MYO9A: variants seen among roughly 807,000 people sequenced by gnomAD.
The protein encoded by MYO9A is unconventional myosin-IXa.
Under a neutral mutation model 293.3 loss-of-function variants are expected in MYO9A, and 103 were observed. The observed-to-expected ratio is 0.35, with a 90% CI of 0.30 to 0.41. MYO9A has a LOEUF of 0.41. Ranked by LOEUF, MYO9A falls within the 10% of genes least tolerant of loss-of-function variation. MYO9A has a pLI of 1.00. For synonymous variants in MYO9A, 1,001 were observed against 1,035.7 expected (o/e 0.97, Z 0.64); for missense variants, 2,685 against 3,033.0 (o/e 0.89, Z 2.69).
chr15:72,093,979 C>G (rs1430050944), intron 1 of MYO9A, among the ~76,000 whole-genome samples: 2 of 89,956 alleles, frequency 2.2e-5, no homozygotes, highest in East Asian at 4.6e-4. Context: ...AAGAAATCAC[C>G]CACAGTAAAA....
At chr15:72,032,306 G>A (rs996966478) in intron 3 of MYO9A, among the ~76,000 whole-genome samples, 188 bp downstream of exon 3, 2 of 152,190 alleles carry the variant, frequency 1.3e-5, no homozygotes, top group African/African-American at 4.8e-5. Context: ...AAGAGTATGT[G>A]TGACTGTTAC....
At chr15:72,076,865 C>G (rs977557452) in intron 1 of MYO9A, among the ~76,000 whole-genome samples, 1 of 152,010 alleles carries the variant, frequency 6.6e-6, no homozygotes, top group Non-Finnish European at 1.5e-5. Flanking sequence ...TCAAGACTGG[C>G]AAAACAATAC....
At position 71,898,804 on chromosome 15, in the gene MYO9A, C is replaced by T; in HGVS notation, c.3699G>A (p.Lys1233=). ...SVDCLKESPN[K]QQERAQSQSG... is the part of the protein sequence containing the mutation. ...TCTGGCTTTGGGCTCTCTCCTGCTG[C>T]TTGTTTGGTGACTCCTTCAAGCAGT... The change falls in exon 25 of 42, where the codon AAG becomes AAA. Residue 1233 remains lysine, a synonymous_variant. Coordinates refer to ENST00000356056, the MANE Select transcript of MYO9A (RefSeq NM_006901.4). 1 of 1,614,176 alleles carries T rather than the reference C, an allele frequency of 6.2e-7. No homozygotes were observed. The highest frequency in any genetic ancestry group is 2.2e-5 in the East Asian group (1 of 44,876).
intron 28 of MYO9A, among the ~76,000 whole-genome samples, chr15:71,881,457 G>A (rs2056870854): frequency 6.6e-6 from 1 of 152,020 alleles, no homozygotes; most frequent in East Asian, 1.9e-4. Flanking sequence ...GGAATTGAGA[G>A]AAACCCAATT....
At chr15:71,950,083 T>C (rs992666549) in intron 15 of MYO9A, among the ~76,000 whole-genome samples, 15 of 152,196 alleles carry the variant, frequency 9.9e-5, no homozygotes, top group Non-Finnish European at 2.1e-4. Flanking sequence ...CCTCACCAAT[T>C]CACCACTACC....
intron 4 of MYO9A, among the ~76,000 whole-genome samples, chr15:72,022,930 T>C (rs1353184950): frequency 6.6e-6 from 1 of 152,030 alleles, no homozygotes; most frequent in Non-Finnish European, 1.5e-5. Flanking sequence ...CGATACAAAG[T>C]AGAAAAAGTA....
intron 11 of MYO9A, among the ~76,000 whole-genome samples, chr15:71,990,387 C>T (rs1176540767): frequency 6.6e-6 from 1 of 152,004 alleles, no homozygotes; most frequent in African/African-American, 2.4e-5. Flanking sequence ...GCCCAGCCAG[C>T]AAATCTATTT....
chr15:71,931,748 T>C (rs1031019636), intron 18 of MYO9A, among the ~76,000 whole-genome samples: 15 of 152,300 alleles, frequency 9.8e-5, no homozygotes, highest in Non-Finnish European at 1.8e-4. Flanking sequence ...TGGAACATAC[T>C]TCCCCATTTC....
chr15:71,882,199 G>A (rs1038863142), intron 28 of MYO9A, among the ~76,000 whole-genome samples: 5 of 152,022 alleles, frequency 3.3e-5, no homozygotes, highest in Admixed American at 3.3e-4. Flanking sequence ...TTTCTTCCGA[G>A]GACCTCTTTC....
chr15:72,099,644 T>G (rs1178137296), intron 1 of MYO9A, among the ~76,000 whole-genome samples: 2 of 151,156 alleles, frequency 1.3e-5, no homozygotes, highest in Non-Finnish European at 2.9e-5. Flanking sequence ...GGCTCATGCC[T>G]GTAATCCCAG....
At chr15:71,931,676 T>C (rs2058480156) in intron 18 of MYO9A, among the ~76,000 whole-genome samples, 1 of 152,108 alleles carries the variant, frequency 6.6e-6, no homozygotes. Context: ...TTGAAAGTGT[T>C]TTCTCTCACT....
At chr15:72,014,821 GAAGAA>G (rs1225916267) in intron 6 of MYO9A, among the ~76,000 whole-genome samples, 1 of 151,870 alleles carries the variant, frequency 6.6e-6, no homozygotes, top group Non-Finnish European at 1.5e-5. Context: ...AAAGAAAAGA[GAAGAA>G]AAGAGGATGT....
intron 11 of MYO9A, among the ~76,000 whole-genome samples, chr15:71,984,231 A>T (rs574989265): frequency 6.6e-6 from 1 of 152,354 alleles, no homozygotes; most frequent in African/African-American, 2.4e-5. Flanking sequence ...AATGTCCTGC[A>T]CATTTAAGGT....
chr15:71,852,276 A>C lies in MYO9A; in HGVS notation c.6347-16T>G, dbSNP rs1054533873. On this transcript the variant is annotated splice_polypyrimidine_tract_variant and intron_variant, in intron 35 of 41. Coordinates refer to ENST00000356056, the MANE Select transcript of MYO9A (RefSeq NM_006901.4). The stretch of plus-strand genomic sequence containing the variant: ...CTCTCAGCATCTATTTAGAGACAAG[A>C]GTTAGATTAACAGAGCCAAAACATG... 6.3e-7 allele frequency: 1 copy of C among 1,589,598 alleles called. No individual in the cohort carries two copies. The highest frequency in any genetic ancestry group is 8.6e-7 in the Non-Finnish European group (1 of 1,162,528).
At position 72,097,939 on chromosome 15, in the gene MYO9A, T is replaced by A. The variant is rs530874704; in HGVS notation, c.-72+19741A>T. Among the ~76,000 whole-genome samples the A allele has an allele frequency of 1.3e-4, 19 of 151,688 alleles. 1 individual carries two copies. The highest frequency in any genetic ancestry group is 1.2e-3 in the South Asian group (6 of 4,810). On this transcript the variant is annotated intron_variant, in intron 1 of 41. Coordinates refer to ENST00000356056, the MANE Select transcript of MYO9A (RefSeq NM_006901.4). Reference sequence around the variant, plus strand: ...TAAATAAATAAAATAAAAATTTTTTTAAAAAAAAGAAGAAACAGAAAAAGA... The same window carrying A: ...TAAATAAATAAAATAAAAATTTTTTAAAAAAAAAGAAGAAACAGAAAAAGA...
intron 1 of MYO9A, among the ~76,000 whole-genome samples, chr15:72,105,970 T>C (rs779215692): frequency 2.6e-5 from 4 of 152,102 alleles, no homozygotes; most frequent in Non-Finnish European, 5.9e-5. Context: ...AGAAACATCT[T>C]ATATACCAAT....
chr15:72,086,624 G>T (rs558184265), intron 1 of MYO9A, among the ~76,000 whole-genome samples: 13 of 151,812 alleles, frequency 8.6e-5, no homozygotes, highest in African/African-American at 3.1e-4. Context: ...CACACACACC[G>T]GCAAAGTGAT....
intron 1 of MYO9A, among the ~76,000 whole-genome samples, chr15:72,075,113 C>A (rs571026067): frequency 2.6e-5 from 4 of 151,776 alleles, no homozygotes; most frequent in Non-Finnish European, 5.9e-5. Flanking sequence ...TATAGGTATG[C>A]GCCACCACGC....
rs2057078598 is a variant in MYO9A, at chr15:71,888,273, C to G, written c.5143-157G>C. On this transcript the variant is annotated intron_variant, in intron 26 of 41. Transcript: ENST00000356056. ...TTGAAATAATAGAGCCTACTGAAAACTCTATATAAAGTAATCTGAAATAAA... is the reference window on the plus strand; with the variant it reads ...TTGAAATAATAGAGCCTACTGAAAAGTCTATATAAAGTAATCTGAAATAAA... 3 of 433,428 alleles carry G rather than the reference C, an allele frequency of 6.9e-6. No homozygotes were observed. The East Asian group carries it at 1.1e-4, about 16-fold the overall frequency. The allele number at this position is 433,428 out of a possible 1,614,324, so 26.8% of individuals were successfully genotyped here.
Sources: allele counts gnomAD v4.1 joint callset (sites outside exome capture counted in the v4.1 genomes callset), GRCh38; gene constraint gnomAD v4.1.1; transcripts MANE v1.5; gene names NCBI Gene and HGNC (gene_info 2026-07-23, HGNC 2026-07-21).